HSPA5: variants seen among roughly 807,000 people sequenced by gnomAD.
HSPA5 encodes the protein heat shock protein family A (Hsp70) member 5.
A neutral mutation model predicts 49.5 loss-of-function variants in HSPA5; 16 were observed. The observed-to-expected ratio is 0.32, with a 90% CI of 0.22 to 0.49. HSPA5 has a LOEUF of 0.49. Ranked by LOEUF, HSPA5 falls within the 20% of genes least tolerant of loss-of-function variation. HSPA5 has a pLI of 0.99. For synonymous variants in HSPA5, 271 were observed against 307.2 expected, an observed-to-expected ratio of 0.88 and a Z score of 1.23; for missense variants, 376 against 819.0, an observed-to-expected ratio of 0.46 and a Z score of 6.60.
Position 125,241,000 on chromosome 9 carries a change from C to T in HSPA5, c.122+5G>A, listed in dbSNP as rs2131455294. The stretch of plus-strand genomic sequence containing the variant: ...CCGTCCCCCTGCATCCGCAACCCCA[C>T]TTACCAGGAGTAGGTGGTCCCCAGG... On this transcript the variant is annotated splice_donor_5th_base_variant and intron_variant, in intron 1 of 7. Coordinates refer to ENST00000324460, the MANE Select transcript of HSPA5 (RefSeq NM_005347.5). This position sits in a 1 kb window ranked among gnomAD's most constrained non-coding sequence, Gnocchi z 4.4. 1.9e-6 allele frequency: 3 copies of T among 1,612,824 alleles called. No homozygotes were observed. The highest frequency in any genetic ancestry group is 1.3e-5 in the African/African-American group (1 of 75,064).
intron 6 of HSPA5, 48 bp from the exon 7 acceptor site, chr9:125,238,356 C>T (rs371834018): frequency 6.6e-7 from 1 of 1,520,264 alleles, no homozygotes; most frequent in Middle Eastern, 1.7e-4. Context: ...TCCCTATGAG[C>T]TATGTAAAGT....
At position 125,240,035 on chromosome 9, in the gene HSPA5, CAAT is replaced by C. The variant is rs570194236; in HGVS notation, c.492+134_492+136del. 878 of 576,012 alleles carry C rather than the reference CAAT, an allele frequency of 1.5e-3. 3 individuals carry two copies. Among genetic ancestry groups the C allele is most frequent in the Middle Eastern group, 7.6e-3 (16 of 2,112 alleles). The allele number at this position is 576,012 out of a possible 1,614,324, so 35.7% of individuals were successfully genotyped here. Reference sequence around the variant, plus strand: ...TTTGTTTGGCTTATAGTAAGGGACTCAATAATTAAACCTGACAAGCATGAATAC... The same window carrying C: ...TTTGTTTGGCTTATAGTAAGGGACTCAATTAAACCTGACAAGCATGAATAC... On this transcript the variant is annotated intron_variant, in intron 3 of 7. Coordinates refer to ENST00000324460, the MANE Select transcript of HSPA5 (RefSeq NM_005347.5). This position sits in a 1 kb window ranked among gnomAD's most constrained non-coding sequence, Gnocchi z 4.4.
Position 125,235,056 on chromosome 9 carries a change from T to C in HSPA5, c.*1536A>G, listed in dbSNP as rs1478981696. The C allele has an allele frequency of 6.6e-6, 1 of 152,146 alleles. No individual in the cohort carries two copies. Among genetic ancestry groups the C allele is most frequent in the Non-Finnish European group, 1.5e-5 (1 of 68,042 alleles). The allele number at this position is 152,146 out of a possible 1,614,324, so 9.4% of individuals were successfully genotyped here. ...GCTTGGCCTGAGACCAGTATTCTGCTCAGGGTCTGCCCAAATGCTTTTCGG... is the reference window on the plus strand; with the variant it reads ...GCTTGGCCTGAGACCAGTATTCTGCCCAGGGTCTGCCCAAATGCTTTTCGG... On this transcript the variant is annotated 3_prime_UTR_variant, in exon 8 of 8. Coordinates refer to ENST00000324460, the MANE Select transcript of HSPA5 (RefSeq NM_005347.5).
chr9:125,238,908 T>A (rs576419119), intron 5 of HSPA5, 33 bp downstream of exon 5: 9 of 1,603,378 alleles, frequency 5.6e-6, no homozygotes, highest in Non-Finnish European at 6.8e-6. Context: ...TCTAAGGAGA[T>A]CTCATTAGCA....
Position 125,238,698 on chromosome 9 carries a change from T to C in HSPA5, c.1126A>G (p.Lys376Glu). Residue 376 changes from lysine to glutamate, a missense_variant, in exon 6 of 8, where the codon AAA (lysine) becomes GAA (glutamate). Lys to Glu is a moderately conservative substitution (Grantham distance 56, BLOSUM62 1). Coordinates refer to ENST00000324460, the MANE Select transcript of HSPA5 (RefSeq NM_005347.5). ...GGTTCCTTGCCATTGAAGAACTCTT[T>C]AACCAGTTGCTGAATCTTTGGAATT... ...TRIPKIQQLV[K>E]EFFNGKEPSR... The C allele has an allele frequency of 6.2e-7, 1 of 1,614,214 alleles. No homozygotes were observed. Among genetic ancestry groups the C allele is most frequent in the Non-Finnish European group, 8.5e-7 (1 of 1,180,032 alleles).
At chr9:125,238,508 C>A in intron 6 of HSPA5, 82 bp downstream of exon 6, 1 of 1,202,552 alleles carries the variant, frequency 8.3e-7, no homozygotes, top group Non-Finnish European at 1.2e-6. Flanking sequence ...TGCTCATATT[C>A]TGGTATTTTC....
intron 5 of HSPA5, 27 bp downstream of exon 5, chr9:125,238,914 T>G: frequency 6.2e-7 from 1 of 1,602,716 alleles, no homozygotes; most frequent in Non-Finnish European, 8.5e-7. Context: ...GAGATCTCAT[T>G]AGCAAAGCAG....
chr9:125,238,417 T>C, intron 6 of HSPA5, 109 bp from the exon 7 acceptor site: 1 of 1,066,198 alleles, frequency 9.4e-7, no homozygotes, highest in Non-Finnish European at 1.4e-6. Flanking sequence ...TTAAAGGCAG[T>C]GAATTAAACA....
Position 125,239,636 on chromosome 9 carries a change from T to C in HSPA5, c.493-103A>G. 1 of 885,698 alleles carries C rather than the reference T, an allele frequency of 1.1e-6. No homozygotes were observed. Among genetic ancestry groups the C allele is most frequent in the Non-Finnish European group, 1.8e-6 (1 of 556,552 alleles). 54.9% of individuals were successfully genotyped at this position (885,698 alleles called of 1,614,324 possible). ...GCTTCTGCCTATAATCCCAGCACTT[T>C]GGGAGGCTGAGGCAGGAGGATCACC... On this transcript the variant is annotated intron_variant, in intron 3 of 7. Transcript: ENST00000324460. This position sits in a 1 kb window ranked among gnomAD's most constrained non-coding sequence, Gnocchi z 5.5.
chr9:125,240,114 A>C lies in HSPA5; in HGVS notation c.492+58T>G, dbSNP rs1832545364. ...CTTCACGAAGGCTTCTATACATAAC[A>C]GCCAACCGAGAATACTAATGATCAA... On this transcript the variant is annotated intron_variant, in intron 3 of 7. Coordinates refer to ENST00000324460, the MANE Select transcript of HSPA5 (RefSeq NM_005347.5). This position sits in a 1 kb window ranked among gnomAD's most constrained non-coding sequence, Gnocchi z 4.4. The C allele has an allele frequency of 7.0e-7, 1 of 1,425,554 alleles. No individual in the cohort carries two copies. The allele number at this position is 1,425,554 out of a possible 1,614,324, so 88.3% of individuals were successfully genotyped here.
intron 7 of HSPA5, 73 bp downstream of exon 7, chr9:125,238,068 G>T: frequency 2.4e-6 from 3 of 1,233,570 alleles, no homozygotes; most frequent in Non-Finnish European, 3.5e-6. Flanking sequence ...TGCCACTGCA[G>T]TCCAGCCTGG....
intron 7 of HSPA5, among the ~76,000 whole-genome samples, chr9:125,237,864 G>T (rs2131453433): frequency 6.6e-6 from 1 of 152,232 alleles, no homozygotes; most frequent in East Asian, 1.9e-4. Flanking sequence ...CACTTTGGGA[G>T]GTGGAGGCAG....
intron 7 of HSPA5, among the ~76,000 whole-genome samples, chr9:125,237,672 T>TAA (rs1203175615): frequency 0.018 from 2,323 of 130,360 alleles, 80 homozygotes; most frequent in African/African-American, 0.062. Context: ...AAGACTCCAT[T>TAA]AAAAAAAAAA....
At position 125,235,708 on chromosome 9, in the gene HSPA5, T is replaced by G. The variant is rs1201718437; in HGVS notation, c.*884A>C. 1 of 152,102 alleles carries G rather than the reference T, an allele frequency of 6.6e-6. No individual in the cohort carries two copies. Among genetic ancestry groups the G allele is most frequent in the Non-Finnish European group, 1.5e-5 (1 of 68,034 alleles). The allele number at this position is 152,102 out of a possible 1,614,324, so 9.4% of individuals were successfully genotyped here. A position where few individuals can be genotyped will look rare whatever the true frequency, so the allele number is the denominator to read the frequency against. The stretch of plus-strand genomic sequence containing the variant: ...TCAGGGATGGAGATTCTGACACAGC[T>G]AGGGTTCACAATATACCTTTACATC... On this transcript the variant is annotated 3_prime_UTR_variant, in exon 8 of 8. Transcript: ENST00000324460.
At position 125,240,824 on chromosome 9, in the gene HSPA5, G is replaced by A; in HGVS notation, c.206C>T (p.Thr69Ile). 6.2e-7 allele frequency: 1 copy of A among 1,614,250 alleles called. No individual in the cohort carries two copies. Among genetic ancestry groups the A allele is most frequent in the African/African-American group, 1.3e-5 (1 of 75,082 alleles). Reference sequence around the variant, plus strand: ...GCCAATCAGACGTTCCCCTTCAGGAGTGAAGGCGACATAGGACGGCGTGAT... The same window carrying A: ...GCCAATCAGACGTTCCCCTTCAGGAATGAAGGCGACATAGGACGGCGTGAT... The part of the protein sequence containing the change: ...NRITPSYVAF[T>I]PEGERLIGDA... Residue 69 changes from threonine to isoleucine, a missense_variant, in exon 2 of 8, where the codon ACT (threonine) becomes ATT (isoleucine). Coordinates refer to ENST00000324460, the MANE Select transcript of HSPA5 (RefSeq NM_005347.5). This position sits in a 1 kb window ranked among gnomAD's most constrained non-coding sequence, Gnocchi z 4.4.
Position 125,239,085 on chromosome 9 carries a change from A to G in HSPA5, c.852T>C (p.Ala284=), listed in dbSNP as rs906381796. Reference sequence around the variant, plus strand: ...CTACCTCGCGCCGGAGTTTCTGCACAGCTCTATTGTCTTTCCTGACATCTT... The same window carrying G: ...CTACCTCGCGCCGGAGTTTCTGCACGGCTCTATTGTCTTTCCTGACATCTT... ...TGKDVRKDNR[A]VQKLRREVEK... The change falls in exon 5 of 8, where the codon GCT becomes GCC. Residue 284 remains alanine (A), a synonymous_variant. Coordinates refer to ENST00000324460, the MANE Select transcript of HSPA5 (RefSeq NM_005347.5). The surrounding 1 kb of genome is among the most constrained non-coding windows in gnomAD (Gnocchi z 5.5). 5.0e-6 allele frequency: 8 copies of G among 1,614,028 alleles called. No homozygotes were observed. Among genetic ancestry groups the G allele is most frequent in the Non-Finnish European group, 5.9e-6 (7 of 1,180,042 alleles).
At chr9:125,238,450 C>T (rs1832524175) in intron 6 of HSPA5, 140 bp downstream of exon 6, 1 of 963,708 alleles carries the variant, frequency 1.0e-6, no homozygotes, top group Non-Finnish European at 1.6e-6. Flanking sequence ...CTTGAGACTA[C>T]CCCAGTCTTG....
rs2131454718 is a variant in HSPA5, at chr9:125,240,158, C to T, written c.492+14G>A. On this transcript the variant is annotated intron_variant, in intron 3 of 7. Transcript: ENST00000324460. This position sits in a 1 kb window ranked among gnomAD's most constrained non-coding sequence, Gnocchi z 4.4. ...TGATCAAAAAATACTTAACATTGTT[C>T]TAGAAATATTTACCTTCTTTCCCAA... 6.3e-7 allele frequency: 1 copy of T among 1,584,798 alleles called. No individual in the cohort carries two copies. The highest frequency in any genetic ancestry group is 1.1e-5 in the South Asian group (1 of 87,594).
Position 125,241,198 on chromosome 9 carries a change from G to T in HSPA5, c.-72C>A, listed in dbSNP as rs1415219258. ...AGCACAGGAGCACAGCGCAATTTCC[G>T]ACTTGCAGGCGGCAGGGGCCCGGGG... On this transcript the variant is annotated 5_prime_UTR_variant, in exon 1 of 8. Transcript: ENST00000324460. The T allele has an allele frequency of 6.5e-7, 1 of 1,533,244 alleles. No individual in the cohort carries two copies. The highest frequency in any genetic ancestry group is 1.4e-5 in the African/African-American group (1 of 72,848). 95.0% of individuals were successfully genotyped at this position (1,533,244 alleles called of 1,614,324 possible).
Sources: allele counts gnomAD v4.1 joint callset (sites outside exome capture counted in the v4.1 genomes callset), GRCh38; gene constraint gnomAD v4.1.1; non-coding constraint Gnocchi (gnomAD v3.1); transcripts MANE v1.5; gene names NCBI Gene and HGNC (gene_info 2026-07-23, HGNC 2026-07-21).